Variants in GLIS3 observed in about 807,000 individuals in gnomAD.
The protein encoded by GLIS3 is GLIS family zinc finger 3.
A neutral mutation model predicts 78.6 loss-of-function variants in GLIS3; 53 were observed. That is an observed-to-expected ratio of 0.67 (90% CI 0.54 to 0.85). GLIS3 has a LOEUF of 0.85. Among genes scored for constraint, GLIS3 ranks in the 40% least tolerant of loss-of-function variants. GLIS3 has a pLI of 0.00. For synonymous variants in GLIS3, 684 were observed against 509.9 expected (o/e 1.34, Z -4.60); for missense variants, 1,703 against 1,231.1 (o/e 1.38, Z -5.74).
intron 2 of GLIS3, among the ~76,000 whole-genome samples, chr9:4,171,588 T>G (rs995571026): frequency 3.3e-5 from 5 of 152,224 alleles, no homozygotes; most frequent in African/African-American, 1.2e-4. Flanking sequence ...TATCTTTAGC[T>G]ATCTGAGGGG....
intron 4 of GLIS3, among the ~76,000 whole-genome samples, chr9:4,107,455 G>C (rs1359631609): frequency 6.6e-6 from 1 of 152,086 alleles, no homozygotes; most frequent in African/African-American, 2.4e-5. Flanking sequence ...TTTCACCCTA[G>C]ACTCAGATTG....
the GLIS3 span, among the ~76,000 whole-genome samples, chr9:4,416,510 G>A: frequency 6.6e-6 from 1 of 151,958 alleles, no homozygotes; most frequent in African/African-American, 2.4e-5. Flanking sequence ...CCTTCTTTTT[G>A]TAATATAAAT....
intron 2 of GLIS3, among the ~76,000 whole-genome samples, chr9:4,146,698 A>T (rs1834249600): frequency 6.6e-6 from 1 of 152,218 alleles, no homozygotes; most frequent in African/African-American, 2.4e-5. Context: ...TAGGGACAGA[A>T]CCCTGAATAA....
intron 4 of GLIS3, among the ~76,000 whole-genome samples, chr9:4,066,165 A>G (rs1465068970): frequency 6.6e-6 from 1 of 152,202 alleles, no homozygotes; most frequent in Non-Finnish European, 1.5e-5. Flanking sequence ...ATTTAATAAA[A>G]GAGCAAACAG....
intron 2 of GLIS3, among the ~76,000 whole-genome samples, chr9:4,189,539 T>C (rs1298462132): frequency 6.6e-6 from 1 of 152,202 alleles, no homozygotes; most frequent in Admixed American, 6.5e-5. Flanking sequence ...GTTCAATTCC[T>C]GGGTATCGTT....
At chr9:4,267,078 T>G (rs193004199) in intron 2 of GLIS3, among the ~76,000 whole-genome samples, 1 of 152,262 alleles carries the variant, frequency 6.6e-6, no homozygotes, top group East Asian at 1.9e-4. Context: ...TGCATGAGCG[T>G]AAAGGTGAGT....
intron 6 of GLIS3, among the ~76,000 whole-genome samples, chr9:3,923,591 T>TC (rs1825037808): frequency 6.6e-6 from 1 of 151,196 alleles, no homozygotes. Flanking sequence ...GTGTTTTTTT[T>TC]TTCTCTATAG....
chr9:4,386,732 A>G, the GLIS3 span, among the ~76,000 whole-genome samples: 1 of 152,208 alleles, frequency 6.6e-6, no homozygotes, highest in Non-Finnish European at 1.5e-5. Context: ...ATAAAGTTAC[A>G]AAGTCATTTA....
chr9:4,254,578 G>A (rs1044665852), intron 2 of GLIS3, among the ~76,000 whole-genome samples: 4 of 152,162 alleles, frequency 2.6e-5, no homozygotes, highest in South Asian at 2.1e-4. Flanking sequence ...GGTGGCTCAC[G>A]TCTGTAATCC....
At chr9:4,418,373 T>C in the GLIS3 span, among the ~76,000 whole-genome samples, 1 of 152,108 alleles carries the variant, frequency 6.6e-6, no homozygotes, top group Admixed American at 6.5e-5. Flanking sequence ...CCCAAATGGG[T>C]AGGTTAAAAT....
At chr9:4,462,757 C>T in the GLIS3 span, among the ~76,000 whole-genome samples, 2 of 152,050 alleles carry the variant, frequency 1.3e-5, no homozygotes, top group East Asian at 3.8e-4. Flanking sequence ...CTGCAGTGAA[C>T]CATGGCTGTG....
intron 7 of GLIS3, among the ~76,000 whole-genome samples, chr9:3,888,285 T>C (rs1822211082): frequency 6.6e-6 from 1 of 152,212 alleles, no homozygotes. Flanking sequence ...TCATTACTCA[T>C]GCCTCAACTA....
At chr9:4,271,450 G>T (rs1003606968) in intron 2 of GLIS3, among the ~76,000 whole-genome samples, 1 of 152,068 alleles carries the variant, frequency 6.6e-6, no homozygotes, top group African/African-American at 2.4e-5. Flanking sequence ...TTTCCCTGTA[G>T]AACTCTGAGT....
rs565147967 is a variant in GLIS3, at chr9:4,194,711, A to C, written c.389-68770T>G. Among the ~76,000 whole-genome samples the C allele has an allele frequency of 2.6e-5, 4 of 152,310 alleles. No individual in the cohort carries two copies. The South Asian group carries it at 8.3e-4, about 32-fold the overall frequency. On this transcript the variant is annotated intron_variant, in intron 2 of 10. Transcript: ENST00000381971. ...CGCTGATAAAAGTGAGTGAAGCCCC[A>C]GTACCTGAGAGAGGGAGGGAGTCTA... is the stretch of plus-strand genomic sequence containing the variant.
intron 2 of GLIS3, among the ~76,000 whole-genome samples, chr9:4,213,932 A>C (rs1428191401): frequency 6.6e-6 from 1 of 151,792 alleles, no homozygotes; most frequent in Non-Finnish European, 1.5e-5. Context: ...AGAAGCAAAA[A>C]AAAAAAAAAA....
chr9:3,969,478 C>G (rs1373274187), intron 4 of GLIS3, among the ~76,000 whole-genome samples: 1 of 152,206 alleles, frequency 6.6e-6, no homozygotes, highest in African/African-American at 2.4e-5. Flanking sequence ...ATATCAGATA[C>G]ATAGCCACTT....
intron 4 of GLIS3, among the ~76,000 whole-genome samples, chr9:3,958,832 G>T (rs1414762401): frequency 6.6e-6 from 1 of 152,218 alleles, no homozygotes; most frequent in Non-Finnish European, 1.5e-5. Flanking sequence ...TGGCTGCTTA[G>T]GGAAACAGAA....
the GLIS3 span, among the ~76,000 whole-genome samples, chr9:4,356,955 G>A: frequency 2.0e-5 from 3 of 152,210 alleles, no homozygotes; most frequent in Non-Finnish European, 4.4e-5. Flanking sequence ...TCAAAAGGTG[G>A]AATATATTGA....
chr9:4,167,572 T>TGAATGTAAGATTTCCTGGTAC, intron 2 of GLIS3, among the ~76,000 whole-genome samples: 1 of 152,278 alleles, frequency 6.6e-6, no homozygotes, highest in East Asian at 1.9e-4. Context: ...AGGTGCCCAA[T>TGAATGTAAGATTTCCTGGTAC]ATATGCTTGC....
Sources: gnomAD v4.1 joint callset for allele counts (sites outside exome capture counted in the v4.1 genomes callset) on GRCh38, gnomAD v4.1.1 for gene constraint, MANE v1.5 for transcripts, NCBI Gene and HGNC (gene_info 2026-07-23, HGNC 2026-07-21) for gene names.